The following SEC62 variants were observed in gnomAD, a reference collection of about 807,000 sequenced individuals.
SEC62 encodes the protein SEC62 preprotein translocation factor.
In SEC62, 10 loss-of-function variants were observed where a neutral mutation model predicts 47.5. The ratio of observed to expected loss-of-function variants is 0.21; its 90% CI spans 0.13 to 0.36. The LOEUF (loss-of-function observed/expected upper bound fraction) is 0.36, where lower values mean the gene tolerates loss of function less well. Ranked by LOEUF, SEC62 falls within the 10% of genes least tolerant of loss-of-function variation. SEC62 has a pLI of 1.00. For synonymous variants in SEC62, 136 were observed against 150.5 expected (o/e 0.90, Z 0.71); for missense variants, 327 against 464.1 (o/e 0.70, Z 2.71).
chr3:169,979,682 G>A (rs1229414049), intron 3 of SEC62, among the ~76,000 whole-genome samples: 7 of 152,176 alleles, frequency 4.6e-5, no homozygotes, highest in Middle Eastern at 3.4e-3. Flanking sequence ...TTCCTCTACC[G>A]AATGTACTCT....
chr3:169,995,521 A>C lies in SEC62; in HGVS notation c.*2458A>C, dbSNP rs1367541739. On this transcript the variant is annotated 3_prime_UTR_variant, in exon 8 of 8. Transcript: ENST00000337002. The stretch of plus-strand genomic sequence containing the variant: ...TTAATATATCACATTGAAATTATGC[A>C]GTGGTGATGAATTTTGGTGTTTCCC... 1.3e-5 allele frequency: 2 copies of C among 152,298 alleles called. No individual in the cohort carries two copies. The highest frequency in any genetic ancestry group is 2.1e-4 in the South Asian group (1 of 4,826). 9.4% of individuals were successfully genotyped at this position (152,298 alleles called of 1,614,324 possible).
intron 1 of SEC62, 83 bp downstream of exon 1, chr3:169,966,941 GA>G (rs1490616578): frequency 3.0e-6 from 1 of 328,952 alleles, no homozygotes; most frequent in Admixed American, 5.0e-5. Context: ...AAGGGCGAGC[GA>G]AAGCAAGGGC....
At chr3:169,988,512 C>T (rs1275803641) in intron 7 of SEC62, among the ~76,000 whole-genome samples, 153 bp downstream of exon 7, 1 of 152,140 alleles carries the variant, frequency 6.6e-6, no homozygotes, top group African/African-American at 2.4e-5. Context: ...AAAACTCAGG[C>T]TTGGTAAGAT....
intron 5 of SEC62, chr3:169,985,198 T>C (rs1715072661): frequency 6.6e-6 from 1 of 152,182 alleles, no homozygotes; most frequent in Non-Finnish European, 1.5e-5. Flanking sequence ...AGGTTGGCAG[T>C]TGCTGGTGTT....
intron 6 of SEC62, 155 bp downstream of exon 6, chr3:169,986,020 G>A: frequency 7.4e-6 from 4 of 538,918 alleles, no homozygotes; most frequent in South Asian, 2.8e-5. Context: ...AATACACTAA[G>A]GAAAATATTT....
At chr3:169,967,881 C>CTTT (rs11422239) in intron 1 of SEC62, among the ~76,000 whole-genome samples, 4 of 147,282 alleles carry the variant, frequency 2.7e-5, no homozygotes, top group Non-Finnish European at 4.5e-5. Flanking sequence ...TTTATCCCTT[C>CTTT]TTTTTTTTTT....
At chr3:169,973,471 G>C (rs185589927) in intron 1 of SEC62, among the ~76,000 whole-genome samples, 104 of 152,170 alleles carry the variant, frequency 6.8e-4, no homozygotes, top group Non-Finnish European at 1.2e-3. Flanking sequence ...AGACCAGCCT[G>C]GCTAACATGG....
intron 2 of SEC62, 25 bp downstream of exon 2, chr3:169,975,741 A>T: frequency 6.9e-7 from 1 of 1,442,946 alleles, no homozygotes; most frequent in Non-Finnish European, 9.8e-7. Flanking sequence ...GTAAAATCGT[A>T]TTAGTGTACA....
Position 169,983,205 on chromosome 3 carries a change from A to G in SEC62, c.501A>G (p.Lys167=), listed in dbSNP as rs1715023201. The change falls in exon 5 of 8, where the codon AAA becomes AAG. Residue 167 remains lysine, a synonymous_variant. Coordinates refer to ENST00000337002, the MANE Select transcript of SEC62 (RefSeq NM_003262.4). The stretch of plus-strand genomic sequence containing the variant: ...CTAAAAAGAAGGAAACTAAGAAAAA[A>G]TTCAAACTTGAGCCACATGATGATC... ...GTPKKKETKK[K]FKLEPHDDQV... The G allele has an allele frequency of 1.9e-6, 3 of 1,612,652 alleles. No homozygotes were observed. In the African/African-American group the frequency reaches 4.0e-5, roughly 22 times the overall value.
Position 169,993,308 on chromosome 3 carries a change from A to G in SEC62, c.*245A>G. ...ATTTTACAGTAAGTAGGTCTCATTC[A>G]TTTTGACAGTTATCAAAGATGTACT... is the stretch of plus-strand genomic sequence containing the variant. On this transcript the variant is annotated 3_prime_UTR_variant, in exon 8 of 8. Transcript: ENST00000337002. 2.8e-6 allele frequency: 1 copy of G among 361,314 alleles called. No homozygotes were observed. Among genetic ancestry groups the G allele is most frequent in the Non-Finnish European group, 5.0e-6 (1 of 200,846 alleles). The allele number at this position is 361,314 out of a possible 1,614,324, so 22.4% of individuals were successfully genotyped here.
In SEC62 at chr3:169,997,632, A is replaced by C. The variant is rs564188477; in HGVS notation, c.*4569A>C. 5.9e-5 allele frequency: 9 copies of C among 152,104 alleles called. No homozygotes were observed. Among genetic ancestry groups the C allele is most frequent in the Admixed American group, 5.2e-4 (8 of 15,260 alleles). 9.4% of individuals were successfully genotyped at this position (152,104 alleles called of 1,614,324 possible). On this transcript the variant is annotated 3_prime_UTR_variant, in exon 8 of 8. Transcript: ENST00000337002. ...CAGGCACATGCCACCACACCCAGCT[A>C]ATTTTTGTATTTTTTAGTAGAGACA...
intron 1 of SEC62, among the ~76,000 whole-genome samples, chr3:169,974,007 G>A (rs1714768810): frequency 1.3e-5 from 2 of 152,316 alleles, no homozygotes; most frequent in Non-Finnish European, 2.9e-5. Flanking sequence ...TGAAACGTAG[G>A]TTTGTTGGTT....
At chr3:169,970,351 T>G (rs1320207581) in intron 1 of SEC62, among the ~76,000 whole-genome samples, 2 of 152,230 alleles carry the variant, frequency 1.3e-5, no homozygotes, top group Admixed American at 1.3e-4. Context: ...CCAAGCCTTT[T>G]TCTTTTTTGC....
chr3:169,981,881 T>C (rs1714982048), intron 3 of SEC62, among the ~76,000 whole-genome samples: 1 of 152,176 alleles, frequency 6.6e-6, no homozygotes, highest in South Asian at 2.1e-4. Flanking sequence ...GAAGGTGGGC[T>C]TATGTTTTAA....
chr3:169,987,942 G>A (rs948258919), intron 6 of SEC62, among the ~76,000 whole-genome samples: 1 of 152,110 alleles, frequency 6.6e-6, no homozygotes, highest in African/African-American at 2.4e-5. Flanking sequence ...GATATAGCTT[G>A]AAAAAGGGGG....
intron 1 of SEC62, among the ~76,000 whole-genome samples, chr3:169,973,881 G>T (rs1714766015): frequency 6.6e-6 from 1 of 152,106 alleles, no homozygotes; most frequent in African/African-American, 2.4e-5. Context: ...GGAAGTAGAG[G>T]ACTTGCGAAA....
intron 1 of SEC62, among the ~76,000 whole-genome samples, chr3:169,970,518 A>C (rs1714672758): frequency 6.6e-6 from 1 of 152,238 alleles, no homozygotes; most frequent in African/African-American, 2.4e-5. Flanking sequence ...AAAATAACTT[A>C]GAAATGTCAA....
At position 169,993,135 on chromosome 3, in the gene SEC62, G is replaced by C. The variant is rs1576866572; in HGVS notation, c.*72G>C. 3 of 1,058,190 alleles carry C rather than the reference G, an allele frequency of 2.8e-6. No individual in the cohort carries two copies. In the East Asian group the frequency reaches 7.8e-5, roughly 27 times the overall value. The allele number at this position is 1,058,190 out of a possible 1,614,324, so 65.6% of individuals were successfully genotyped here. The stretch of plus-strand genomic sequence containing the variant: ...TTCTATGTTGGCTGATTACCATATT[G>C]AACACATGGCATTTGTAGCATTCTT... On this transcript the variant is annotated 3_prime_UTR_variant, in exon 8 of 8. Coordinates refer to ENST00000337002, the MANE Select transcript of SEC62 (RefSeq NM_003262.4).
rs1715342635 is a variant in SEC62 at position 169,995,070 on chromosome 3, A to G, written c.*2007A>G. On this transcript the variant is annotated 3_prime_UTR_variant, in exon 8 of 8. Transcript: ENST00000337002. Reference sequence around the variant, plus strand: ...AGTTGTGTACTTTAAACAAATATAAAAATCAAAAGGCTGCCTCTATTACAA... The same window carrying G: ...AGTTGTGTACTTTAAACAAATATAAGAATCAAAAGGCTGCCTCTATTACAA... 1 of 152,194 alleles carries G rather than the reference A, an allele frequency of 6.6e-6. No individual in the cohort carries two copies. Among genetic ancestry groups the G allele is most frequent in the Admixed American group, 6.5e-5 (1 of 15,282 alleles). 9.4% of individuals were successfully genotyped at this position (152,194 alleles called of 1,614,324 possible).
Sources: gnomAD v4.1 joint callset for allele counts (sites outside exome capture counted in the v4.1 genomes callset) on GRCh38, gnomAD v4.1.1 for gene constraint, MANE v1.5 for transcripts, NCBI Gene and HGNC (gene_info 2026-07-23, HGNC 2026-07-21) for gene names.